BCAS3: variants seen among roughly 807,000 people sequenced by gnomAD.
BCAS3 encodes BCAS3 microtubule associated cell migration factor.
In BCAS3, 53 loss-of-function variants were observed where a neutral mutation model predicts 116.1. The observed-to-expected ratio is 0.46, with a 90% CI of 0.37 to 0.57. BCAS3 has a LOEUF of 0.57. Ranked by LOEUF, BCAS3 falls within the 20% of genes least tolerant of loss-of-function variation. BCAS3 has a pLI of 0.00. For synonymous variants in BCAS3, 391 were observed against 408.2 expected (o/e 0.96, Z 0.51); for missense variants, 917 against 1,165.4 (o/e 0.79, Z 3.10).
At chr17:61,014,777 CT>C (rs2065337903) in intron 15 of BCAS3, among the ~76,000 whole-genome samples, 1 of 151,906 alleles carries the variant, frequency 6.6e-6, no homozygotes, top group South Asian at 2.1e-4. Flanking sequence ...AAGAAAGGAG[CT>C]CAGCAAAGTT....
rs1485773458 is a variant in BCAS3, at chr17:61,228,276, C to T, written c.2426-140051C>T. 2.0e-5 allele frequency among the ~76,000 whole-genome samples: 3 copies of T among 152,010 alleles called. No individual in the cohort carries two copies. The highest frequency in any genetic ancestry group is 2.4e-5 in the African/African-American group (1 of 41,364). On this transcript the variant is annotated intron_variant, in intron 22 of 23. Transcript: ENST00000407086. The surrounding 1 kb of genome is among the most constrained non-coding windows in gnomAD (Gnocchi z 5.0). ...AGCCCCAGCTGAGAAATTATGAAGGCGACTATAGACACATCAAAATCTATT... is the reference window on the plus strand; with the variant it reads ...AGCCCCAGCTGAGAAATTATGAAGGTGACTATAGACACATCAAAATCTATT...
Position 61,019,691 on chromosome 17 carries a change from A to G in BCAS3, c.1637+3790A>G, listed in dbSNP as rs1246215455. Among the ~76,000 whole-genome samples, 9 of 152,088 alleles carry G rather than the reference A, an allele frequency of 5.9e-5. No homozygotes were observed. The highest frequency in any genetic ancestry group is 4.6e-4 in the Admixed American group (7 of 15,274). ...TTTAAAGGCTATATTTATTTTATTA[A>G]ATTTTTTTTACTATGACAAATTCTT... On this transcript the variant is annotated intron_variant, in intron 16 of 23. Transcript: ENST00000407086. This position sits in a 1 kb window ranked among gnomAD's most constrained non-coding sequence, Gnocchi z 5.6.
chr17:61,254,044 G>A (rs1568675817), intron 22 of BCAS3, among the ~76,000 whole-genome samples: 1 of 152,050 alleles, frequency 6.6e-6, no homozygotes, highest in Non-Finnish European at 1.5e-5. Flanking sequence ...AGGCCCACTG[G>A]GACCCTACTT....
intron 14 of BCAS3, among the ~76,000 whole-genome samples, chr17:60,969,545 A>G (rs1325760365): frequency 3.3e-5 from 5 of 152,240 alleles, no homozygotes. Context: ...AGCCTTAGCA[A>G]CTTGTGGGAC....
chr17:60,849,449 A>G (rs1408989790), intron 7 of BCAS3, among the ~76,000 whole-genome samples: 2 of 152,134 alleles, frequency 1.3e-5, no homozygotes, highest in Admixed American at 6.6e-5. Context: ...GGTAGTGTGC[A>G]GAGGAGAGTA....
At chr17:60,720,662 A>G (rs1226815070) in intron 5 of BCAS3, among the ~76,000 whole-genome samples, 2 of 152,384 alleles carry the variant, frequency 1.3e-5, no homozygotes, top group East Asian at 1.9e-4. Flanking sequence ...ATGACAGTAT[A>G]GCTATTTACA....
intron 15 of BCAS3, among the ~76,000 whole-genome samples, chr17:61,005,444 A>T (rs904151564): frequency 6.6e-6 from 1 of 152,090 alleles, no homozygotes; most frequent in African/African-American, 2.4e-5. Context: ...ATGTGAATAG[A>T]AAAGGTTTTA....
intron 14 of BCAS3, among the ~76,000 whole-genome samples, chr17:60,959,529 C>CA (rs374798229): frequency 2.2e-4 from 33 of 152,284 alleles, no homozygotes; most frequent in Non-Finnish European, 4.4e-4. Context: ...AACTAAATTT[C>CA]TCATATTTCA....
At chr17:60,885,538 C>G (rs1182075402) in intron 9 of BCAS3, among the ~76,000 whole-genome samples, 6 of 146,854 alleles carry the variant, frequency 4.1e-5, no homozygotes, top group Non-Finnish European at 6.0e-5. Context: ...TCTTCCTAGT[C>G]TCGATGGTCT....
chr17:61,336,026 T>A (rs541844948), intron 22 of BCAS3, among the ~76,000 whole-genome samples: 1 of 152,332 alleles, frequency 6.6e-6, no homozygotes, highest in South Asian at 2.1e-4. Flanking sequence ...TCCATACTTT[T>A]CAGATACAGG....
Position 61,199,622 on chromosome 17 carries a change from A to G in BCAS3, c.2425+115058A>G, listed in dbSNP as rs2080702651. ...AACAAGTTATTCAAGAAATACTTGCAAGGTGGACAATGTTAACTTTGAACA... is the reference window on the plus strand; with the variant it reads ...AACAAGTTATTCAAGAAATACTTGCGAGGTGGACAATGTTAACTTTGAACA... On this transcript the variant is annotated intron_variant, in intron 22 of 23. Transcript: ENST00000407086. This position sits in a 1 kb window ranked among gnomAD's most constrained non-coding sequence, Gnocchi z 4.6. 6.6e-6 allele frequency among the ~76,000 whole-genome samples: 1 copy of G among 152,242 alleles called. No individual in the cohort carries two copies. The highest frequency in any genetic ancestry group is 6.5e-5 in the Admixed American group (1 of 15,284).
chr17:61,013,915 G>T lies in BCAS3; in HGVS notation c.1487-1836G>T, dbSNP rs1403695154. Reference sequence around the variant, plus strand: ...CTTTTGACTTTTCACTACCTCTCAGGCTACCATTAGATACTGTGTGGTAGT... The same window carrying T: ...CTTTTGACTTTTCACTACCTCTCAGTCTACCATTAGATACTGTGTGGTAGT... On this transcript the variant is annotated intron_variant, in intron 15 of 23. Transcript: ENST00000407086. The surrounding 1 kb of genome is among the most constrained non-coding windows in gnomAD (Gnocchi z 4.4). Among the ~76,000 whole-genome samples the T allele has an allele frequency of 6.6e-6, 1 of 151,972 alleles. No individual in the cohort carries two copies. Among genetic ancestry groups the T allele is most frequent in the Non-Finnish European group, 1.5e-5 (1 of 67,956 alleles).
At chr17:60,692,425 G>A (rs1262465232) in intron 4 of BCAS3, among the ~76,000 whole-genome samples, 3 of 152,100 alleles carry the variant, frequency 2.0e-5, no homozygotes, top group Non-Finnish European at 4.4e-5. Context: ...TTGTATTTTA[G>A]TAGAGACGGG....
At chr17:61,044,305 G>C (rs952169546) in intron 19 of BCAS3, among the ~76,000 whole-genome samples, 2 of 151,490 alleles carry the variant, frequency 1.3e-5, no homozygotes, top group African/African-American at 4.9e-5. Flanking sequence ...AAATTAGCTG[G>C]GCGTGGTGGC....
chr17:61,172,898 G>A (rs533420551), intron 22 of BCAS3, among the ~76,000 whole-genome samples: 44 of 151,748 alleles, frequency 2.9e-4, no homozygotes, highest in African/African-American at 9.4e-4. Flanking sequence ...TGAGGCAGGA[G>A]CATGGCGTGA....
intron 6 of BCAS3, among the ~76,000 whole-genome samples, chr17:60,779,315 A>G (rs190194675): frequency 4.6e-5 from 7 of 152,248 alleles, no homozygotes; most frequent in African/African-American, 1.7e-4. Flanking sequence ...TACTGTATCA[A>G]ATTACCTTCA....
At chr17:60,705,924 A>T (rs2143976830) in intron 4 of BCAS3, among the ~76,000 whole-genome samples, 1 of 152,316 alleles carries the variant, frequency 6.6e-6, no homozygotes, top group East Asian at 1.9e-4. Flanking sequence ...ATTTCCATAA[A>T]GTTATACTGA....
At chr17:61,080,610 A>G (rs1422193068) in intron 21 of BCAS3, among the ~76,000 whole-genome samples, 1 of 152,054 alleles carries the variant, frequency 6.6e-6, no homozygotes, top group Non-Finnish European at 1.5e-5. Context: ...AATACAAAAA[A>G]TTAGCCGGGC....
chr17:60,897,077 G>A (rs1292829156), intron 10 of BCAS3, among the ~76,000 whole-genome samples: 2 of 152,216 alleles, frequency 1.3e-5, no homozygotes, highest in Non-Finnish European at 1.5e-5. Flanking sequence ...GCTACTTTGA[G>A]CATGTCTTGT....
Sources: gnomAD v4.1 joint callset for allele counts (sites outside exome capture counted in the v4.1 genomes callset) on GRCh38, gnomAD v4.1.1 for gene constraint, Gnocchi (gnomAD v3.1) non-coding constraint, MANE v1.5 for transcripts, NCBI Gene and HGNC (gene_info 2026-07-23, HGNC 2026-07-21) for gene names.